UBA6: variants seen among roughly 807,000 people sequenced by gnomAD.
UBA6 encodes the protein ubiquitin-like modifier-activating enzyme 6.
UBA6 carries 87 observed loss-of-function variants against 148.3 expected under a neutral mutation model. That is an observed-to-expected ratio of 0.59 (90% confidence interval 0.49 to 0.70). The LOEUF (loss-of-function observed/expected upper bound fraction) is 0.70. Ranked by LOEUF, UBA6 falls within the 30% of genes least tolerant of loss-of-function variation. The probability of loss-of-function intolerance (pLI) is 0.00; values close to 1 mark genes in which losing one functional copy is unlikely to be tolerated. For missense variants in UBA6, 1,186 were observed against 1,241.2 expected (o/e 0.96, Z 0.67); for synonymous variants, 376 against 401.0 (o/e 0.94, Z 0.75).
At position 67,665,172 on chromosome 4, in the gene UBA6, G is replaced by GA. The variant is rs201712118; in HGVS notation, c.897+16dup. 6.6e-4 allele frequency: 953 copies of GA among 1,441,942 alleles called. No homozygotes were observed. The highest frequency in any genetic ancestry group is 1.3e-3 in the South Asian group (89 of 69,520). The allele number at this position is 1,441,942 out of a possible 1,614,324, so 89.3% of individuals were successfully genotyped here. ...TCTGTAAAAAAATGTTTTTTAAGCC[G>GA]AAAAAAAAATACTTACAAAAAAAAC... On this transcript the variant is annotated intron_variant, in intron 10 of 32. Transcript: ENST00000322244.
chr4:67,691,576 T>G (rs571398307), intron 2 of UBA6, among the ~76,000 whole-genome samples: 26 of 152,186 alleles, frequency 1.7e-4, no homozygotes, highest in Non-Finnish European at 3.4e-4. Flanking sequence ...CTTGCATATT[T>G]TTTCATCATG....
intron 20 of UBA6, 134 bp from the exon 21 acceptor site, chr4:67,634,652 TTC>T (rs904997690): frequency 5.3e-6 from 3 of 566,750 alleles, no homozygotes; most frequent in Non-Finnish European, 8.9e-6. Flanking sequence ...TTTTTATATC[TTC>T]TCTCTCTTAG....
chr4:67,696,540 C>CACAT (rs1730844226), intron 2 of UBA6, 105 bp downstream of exon 2: 1 of 790,900 alleles, frequency 1.3e-6, no homozygotes, highest in Admixed American at 2.5e-5. Flanking sequence ...CACACACACA[C>CACAT]ACATATAATT....
At chr4:67,680,023 C>T (rs996368114) in intron 4 of UBA6, among the ~76,000 whole-genome samples, 15 of 152,238 alleles carry the variant, frequency 9.9e-5, no homozygotes, top group African/African-American at 3.4e-4. Context: ...ATAATGTACA[C>T]ATACATATAA....
At position 67,635,512 on chromosome 4, in the gene UBA6, C is replaced by A; in HGVS notation, c.1783G>T (p.Gly595Cys). 1 of 1,613,026 alleles carries A rather than the reference C, an allele frequency of 6.2e-7. No individual in the cohort carries two copies. The highest frequency in any genetic ancestry group is 8.5e-7 in the Non-Finnish European group (1 of 1,179,266). Residue 595 changes from glycine to cysteine, a missense_variant, in exon 20 of 33, where the codon GGC (glycine) becomes TGC (cysteine). Transcript: ENST00000322244. ...LRPLLDSGTM[G>C]TKGHTEVIVP... Reference sequence around the variant, plus strand: ...ATAACTTCAGTGTGTCCCTTAGTGCCCATTGTTCCAGAATCTAAAAGAGGC... The same window carrying A: ...ATAACTTCAGTGTGTCCCTTAGTGCACATTGTTCCAGAATCTAAAAGAGGC...
intron 7 of UBA6, among the ~76,000 whole-genome samples, chr4:67,673,291 G>A (rs1730193509): frequency 6.6e-6 from 1 of 151,858 alleles, no homozygotes; most frequent in African/African-American, 2.4e-5. Context: ...GCGGGTGCCT[G>A]TAAGATCCCA....
At chr4:67,692,415 G>A (rs963886138) in intron 2 of UBA6, among the ~76,000 whole-genome samples, 1 of 152,174 alleles carries the variant, frequency 6.6e-6, no homozygotes, top group Non-Finnish European at 1.5e-5. Context: ...TAACTCTACT[G>A]TTTTCTGCAA....
In UBA6 at chr4:67,625,100, C is replaced by T. The variant is rs771855418; in HGVS notation, c.2606G>A (p.Arg869His). 11 of 1,613,308 alleles carry T rather than the reference C, an allele frequency of 6.8e-6. No homozygotes were observed. The highest frequency in any genetic ancestry group is 3.3e-5 in the Admixed American group (2 of 59,958). ...TGGTTCAATGCTGTACATTTTGGCACGAAGATTTGATGCAGCTGTGATGAA... is the reference window on the plus strand; with the variant it reads ...TGGTTCAATGCTGTACATTTTGGCATGAAGATTTGATGCAGCTGTGATGAA... ...IDFITAASNLRAKMYSIEPAD... is the reference protein window; with the variant it reads ...IDFITAASNLHAKMYSIEPAD... The change falls in exon 29 of 33, where the codon CGT (arginine) becomes CAT (histidine). Residue 869 changes from arginine to histidine, a missense_variant. Transcript: ENST00000322244.
At chr4:67,696,512 TATACATACAC>T in intron 2 of UBA6, 123 bp downstream of exon 2, 5 of 605,432 alleles carry the variant, frequency 8.3e-6, no homozygotes, top group Non-Finnish European at 1.4e-5. Flanking sequence ...CACATACATA[TATACATACAC>T]ACACACACAC....
chr4:67,681,726 TA>T, intron 3 of UBA6, 135 bp from the exon 4 acceptor site: 5 of 614,562 alleles, frequency 8.1e-6, no homozygotes, highest in Non-Finnish European at 1.4e-5. Context: ...TTCCTTGTCT[TA>T]AAAAAGTTAC....
rs999185900 is a variant in UBA6, at chr4:67,615,783, A to G, written c.*3214T>C. 4.9e-6 allele frequency: 1 copy of G among 205,690 alleles called. No individual in the cohort carries two copies. Among genetic ancestry groups the G allele is most frequent in the Non-Finnish European group, 9.6e-6 (1 of 103,860 alleles). The allele number at this position is 205,690 out of a possible 1,614,324, so 12.7% of individuals were successfully genotyped here. A position where few individuals can be genotyped will look rare whatever the true frequency, so the allele number is the denominator to read the frequency against. ...ATGTATGATTTTAAATAAAACTCAA[A>G]AACAAGCAAACTGTATTGTTTAAGT... is the stretch of plus-strand genomic sequence containing the variant. On this transcript the variant is annotated 3_prime_UTR_variant, in exon 33 of 33. Transcript: ENST00000322244.
intron 13 of UBA6, among the ~76,000 whole-genome samples, chr4:67,658,848 T>C (rs1463577049): frequency 6.6e-6 from 1 of 152,178 alleles, no homozygotes; most frequent in South Asian, 2.1e-4. Flanking sequence ...GGTTTGGTTA[T>C]GGGCTAGGGA....
chr4:67,625,437 G>C (rs913921378), intron 28 of UBA6, among the ~76,000 whole-genome samples: 4 of 148,528 alleles, frequency 2.7e-5, no homozygotes, highest in Admixed American at 6.7e-5. Context: ...CTAAACTAGA[G>C]ACGTTTCTGT....
rs188267819 is a variant in UBA6 at position 67,614,684 on chromosome 4, C to T, written c.*4313G>A. ...GGGAATGGTTTTTTAAAACAACTCA[C>T]GCTCTAATTTTAAAACACTCATACT... is the stretch of plus-strand genomic sequence containing the variant. On this transcript the variant is annotated 3_prime_UTR_variant, in exon 33 of 33. Transcript: ENST00000322244. The T allele has an allele frequency of 2.6e-5, 4 of 152,188 alleles. No homozygotes were observed. The highest frequency in any genetic ancestry group is 1.3e-4 in the Admixed American group (2 of 15,294). 9.4% of individuals were successfully genotyped at this position (152,188 alleles called of 1,614,324 possible). A position where few individuals can be genotyped will look rare whatever the true frequency, so the allele number is the denominator to read the frequency against.
At chr4:67,684,960 TTAAG>T (rs1730523203) in intron 2 of UBA6, among the ~76,000 whole-genome samples, 1 of 152,200 alleles carries the variant, frequency 6.6e-6, no homozygotes, top group South Asian at 2.1e-4. Context: ...GCACCTAGAA[TTAAG>T]TAAGTAGTGG....
rs764679464 is a variant in UBA6 at position 67,619,120 on chromosome 4, A to G, written c.3036T>C (p.Leu1012=). Residue 1012 remains leucine, a synonymous_variant, in exon 33 of 33, where the codon CTT becomes CTC. Transcript: ENST00000322244. ...ATTTCTTTTCAGTAGTAGGTTTTAC[A>G]AGTTTATGCATTCTAAGAAAAATAA... The part of the protein sequence containing the change: ...AKRLKLTMHK[L]VKPTTEKKYV... The G allele has an allele frequency of 6.3e-7, 1 of 1,599,438 alleles. No homozygotes were observed. The highest frequency in any genetic ancestry group is 1.1e-5 in the South Asian group (1 of 89,236).
At chr4:67,675,173 G>A (rs987747320) in intron 6 of UBA6, among the ~76,000 whole-genome samples, 2 of 152,204 alleles carry the variant, frequency 1.3e-5, no homozygotes, top group Middle Eastern at 3.4e-3. Context: ...TATAGCTTTG[G>A]TAATTTCCTC....
chr4:67,683,901 C>T (rs1414645940), intron 2 of UBA6, among the ~76,000 whole-genome samples: 1 of 152,012 alleles, frequency 6.6e-6, no homozygotes, highest in Non-Finnish European at 1.5e-5. Flanking sequence ...AGCAAAACCC[C>T]ATCTCTATAA....
At chr4:67,666,770 G>A (rs978009051) in intron 9 of UBA6, among the ~76,000 whole-genome samples, 1 of 152,102 alleles carries the variant, frequency 6.6e-6, no homozygotes, top group Non-Finnish European at 1.5e-5. Flanking sequence ...AGTTACTTGG[G>A]AGGCTGAGGT....
Sources: gnomAD v4.1 joint callset for allele counts (sites outside exome capture counted in the v4.1 genomes callset) on GRCh38, gnomAD v4.1.1 for gene constraint, MANE v1.5 for transcripts, NCBI Gene and HGNC (gene_info 2026-07-23, HGNC 2026-07-21) for gene names.